The following PLCG2 variants were observed in gnomAD, a reference collection of about 807,000 sequenced individuals.
The protein encoded by PLCG2 is 1-phosphatidylinositol 4,5-bisphosphate phosphodiesterase gamma-2.
In PLCG2, 69 loss-of-function variants were observed where a neutral mutation model predicts 175.6. The ratio of observed to expected loss-of-function variants is 0.39; its 90% CI spans 0.32 to 0.48. The LOEUF is 0.48. Ranked by LOEUF, PLCG2 falls within the 20% of genes least tolerant of loss-of-function variation. The probability of loss-of-function intolerance (pLI) is 0.91; values close to 1 mark genes in which losing one functional copy is unlikely to be tolerated. For missense variants in PLCG2, 1,798 were observed against 1,650.9 expected (o/e 1.09, Z -1.54); for synonymous variants, 827 against 624.0 (o/e 1.33, Z -4.85).
At chr16:81,830,602 C>G (rs1268079068) in intron 2 of PLCG2, among the ~76,000 whole-genome samples, 2 of 151,926 alleles carry the variant, frequency 1.3e-5, no homozygotes, top group East Asian at 1.9e-4. Context: ...GCCCCCATGC[C>G]TGGTAAGACT....
At chr16:81,910,028 G>C (rs533685842) in intron 17 of PLCG2, among the ~76,000 whole-genome samples, 70 of 151,844 alleles carry the variant, frequency 4.6e-4, no homozygotes, top group African/African-American at 1.7e-3. Flanking sequence ...GGTGGGGGAA[G>C]TAGGTAGAAT....
intron 24 of PLCG2, among the ~76,000 whole-genome samples, chr16:81,930,344 A>C (rs7204115): frequency 6.6e-6 from 1 of 151,988 alleles, no homozygotes; most frequent in African/African-American, 2.4e-5. Context: ...CCCACGCCAC[A>C]TTTCTCTCCT....
chr16:81,778,515 A>G (rs577714991), upstream of PLCG2, among the ~76,000 whole-genome samples: 1 of 152,260 alleles, frequency 6.6e-6, no homozygotes, highest in Non-Finnish European at 1.5e-5. Context: ...AGATAGCTTC[A>G]TGCAACACAC....
chr16:81,897,548 C>CTTT (rs10710027), intron 13 of PLCG2, among the ~76,000 whole-genome samples: 60 of 128,682 alleles, frequency 4.7e-4, no homozygotes, highest in South Asian at 1.2e-3. Flanking sequence ...CTTTTCTTTT[C>CTTT]TTTTTTTTTT....
intron 7 of PLCG2, among the ~76,000 whole-genome samples, chr16:81,877,961 CT>C (rs1206892310): frequency 1.4e-4 from 16 of 118,492 alleles, no homozygotes; most frequent in African/African-American, 1.5e-4. Flanking sequence ...AAATCTCCCT[CT>C]TTTTTTTTTA....
At chr16:81,920,156 C>T (rs139825416) in intron 20 of PLCG2, among the ~76,000 whole-genome samples, 5 of 152,154 alleles carry the variant, frequency 3.3e-5, no homozygotes, top group Non-Finnish European at 7.3e-5. Flanking sequence ...GATGAGGGTT[C>T]ACAGGTGACT....
chr16:81,822,115 C>G (rs911487754), intron 2 of PLCG2, among the ~76,000 whole-genome samples: 3 of 151,960 alleles, frequency 2.0e-5, no homozygotes, highest in Admixed American at 6.6e-5. Flanking sequence ...TCAATTTTAT[C>G]CTCTGTGCTT....
At chr16:81,862,006 C>G (rs1260122782) in intron 5 of PLCG2, among the ~76,000 whole-genome samples, 32 of 152,230 alleles carry the variant, frequency 2.1e-4, no homozygotes. Flanking sequence ...GAGCCCTGCT[C>G]TCTGTCAACA....
At chr16:81,947,347 A>G (rs1001443325) in intron 31 of PLCG2, among the ~76,000 whole-genome samples, 10 of 152,150 alleles carry the variant, frequency 6.6e-5, no homozygotes, top group Admixed American at 2.0e-4. Context: ...TTCAGCTGCT[A>G]GGTCTTGAGA....
intron 2 of PLCG2, among the ~76,000 whole-genome samples, chr16:81,806,266 G>C (rs1029875130): frequency 6.6e-6 from 1 of 151,856 alleles, no homozygotes; most frequent in Non-Finnish European, 1.5e-5. Context: ...ACCTGCTTCC[G>C]TGGTCCCCAA....
At chr16:81,858,400 T>G in intron 4 of PLCG2, 44 bp downstream of exon 4, 1 of 1,331,876 alleles carries the variant, frequency 7.5e-7, no homozygotes, top group Non-Finnish European at 1.1e-6. Context: ...GCTGATTCCT[T>G]TATTCTGCTG....
intron 17 of PLCG2, among the ~76,000 whole-genome samples, chr16:81,909,475 T>C (rs897388948): frequency 2.0e-5 from 3 of 152,220 alleles, no homozygotes; most frequent in Non-Finnish European, 1.5e-5. Flanking sequence ...TGTAGTACAA[T>C]GGAGCAGTCT....
chr16:81,764,725 C>G (rs1215003435), intron 2 of PLCG2, among the ~76,000 whole-genome samples: 2 of 152,172 alleles, frequency 1.3e-5, no homozygotes, highest in East Asian at 3.8e-4. Context: ...CAGAACATAG[C>G]TGTATTTGGA....
chr16:81,870,629 T>C (rs1231631852), intron 6 of PLCG2, among the ~76,000 whole-genome samples: 4 of 152,184 alleles, frequency 2.6e-5, no homozygotes, highest in Admixed American at 6.5e-5. Context: ...TTCAGAGGAA[T>C]ATGAATTTGA....
At chr16:81,909,092 A>G (rs1417245392) in intron 17 of PLCG2, among the ~76,000 whole-genome samples, 1 of 152,258 alleles carries the variant, frequency 6.6e-6, no homozygotes, top group Non-Finnish European at 1.5e-5. Flanking sequence ...AGTGCATTAA[A>G]AGATACTTCT....
chr16:81,896,700 C>T (rs529667889), intron 13 of PLCG2, among the ~76,000 whole-genome samples: 2 of 152,318 alleles, frequency 1.3e-5, no homozygotes, highest in Admixed American at 1.3e-4. Flanking sequence ...CCTGTTTCTA[C>T]AGGCGGAATC....
At chr16:81,885,471 C>T (rs1183922248) in intron 9 of PLCG2, among the ~76,000 whole-genome samples, 7 of 152,168 alleles carry the variant, frequency 4.6e-5, no homozygotes, top group Non-Finnish European at 7.4e-5. Context: ...GCCCACTTTG[C>T]CAGTTTTATT....
In PLCG2 at chr16:81,907,658, G is replaced by T. The variant is rs753861455; in HGVS notation, c.1468-27G>T. ...AGTTGATGAGGTAGAGGACTTGGGG[G>T]GCACTAATACCAGTTTCACTTTCTA... is the stretch of plus-strand genomic sequence containing the variant. On this transcript the variant is annotated intron_variant, in intron 15 of 32. Transcript: ENST00000564138. 5 of 1,549,110 alleles carry T rather than the reference G, an allele frequency of 3.2e-6. No individual in the cohort carries two copies. In the African/African-American group the frequency reaches 5.4e-5, roughly 17 times the overall value.
At chr16:81,754,000 T>C (rs993306014) in intron 1 of PLCG2, among the ~76,000 whole-genome samples, 17 of 152,180 alleles carry the variant, frequency 1.1e-4, no homozygotes, top group African/African-American at 4.1e-4. Flanking sequence ...GTGTCTTCTC[T>C]TGCCTGGCCT....
Sources: allele counts gnomAD v4.1 joint callset (sites outside exome capture counted in the v4.1 genomes callset), GRCh38; gene constraint gnomAD v4.1.1; transcripts MANE v1.5; gene names NCBI Gene and HGNC (gene_info 2026-07-23, HGNC 2026-07-21).